TMEM38B: variants seen among roughly 807,000 people sequenced by gnomAD.
TMEM38B encodes the protein trimeric intracellular cation channel type B.
TMEM38B carries 24 observed loss-of-function variants against 28.7 expected under a neutral mutation model. The observed-to-expected ratio is 0.84, with a 90% CI of 0.61 to 1.18. The LOEUF (loss-of-function observed/expected upper bound fraction) is 1.18, where lower values mean the gene tolerates loss of function less well. Among genes scored for constraint, TMEM38B ranks in the 50% most tolerant of loss-of-function variants. TMEM38B has a pLI of 0.00. For synonymous variants in TMEM38B, 131 were observed against 127.7 expected (o/e 1.03, Z -0.17); for missense variants, 380 against 350.9 (o/e 1.08, Z -0.66).
chr9:105,696,654 G>T (rs1297875870), intron 1 of TMEM38B, among the ~76,000 whole-genome samples: 2 of 152,194 alleles, frequency 1.3e-5, no homozygotes, highest in East Asian at 3.8e-4. Flanking sequence ...TTCTTAGAAA[G>T]AAACCTTTAA....
At chr9:105,702,059 T>TA (rs915779779) in intron 1 of TMEM38B, among the ~76,000 whole-genome samples, 19 of 152,186 alleles carry the variant, frequency 1.2e-4, no homozygotes, top group African/African-American at 3.6e-4. Flanking sequence ...TGAAAAAATT[T>TA]AAAAAAATTT....
At chr9:105,709,541 A>G (rs1835818750) in intron 2 of TMEM38B, among the ~76,000 whole-genome samples, 1 of 152,238 alleles carries the variant, frequency 6.6e-6, no homozygotes, top group African/African-American at 2.4e-5. Context: ...CATTTACTGA[A>G]TAAGGGAATT....
rs1170141388 is a variant in TMEM38B, at chr9:105,767,021, C to G, written c.661-6844C>G. On this transcript the variant is annotated intron_variant, in intron 5 of 5. Coordinates refer to ENST00000374692, the MANE Select transcript of TMEM38B (RefSeq NM_018112.3). ...TTTTCTGTCCTTGCGATCGTTTGCT[C>G]AGAATGATGGTTTCCAGCTTCATCT... Among the ~76,000 whole-genome samples, 8 of 151,922 alleles carry G rather than the reference C, an allele frequency of 5.3e-5. No homozygotes were observed. The South Asian group carries it at 1.0e-3, about 20-fold the overall frequency.
intron 2 of TMEM38B, among the ~76,000 whole-genome samples, chr9:105,721,170 GTA>G (rs1167780874): frequency 6.6e-6 from 1 of 152,152 alleles, no homozygotes; most frequent in African/African-American, 2.4e-5. Flanking sequence ...AAGACACTGT[GTA>G]GGAGTTCCTA....
Position 105,722,449 on chromosome 9 carries a change from T to A in TMEM38B, c.455-85T>A, listed in dbSNP as rs186891620. 5.1e-3 allele frequency: 5,380 copies of A among 1,062,280 alleles called. 205 individuals carry two copies. The Admixed American group carries it at 0.071, about 14-fold the overall frequency. The allele number at this position is 1,062,280 out of a possible 1,614,324, so 65.8% of individuals were successfully genotyped here. The stretch of plus-strand genomic sequence containing the variant: ...TTGGGAATCCTCTTGGAATGTATTA[T>A]CAGGTGATAGAATTATGGCTCCCTT... On this transcript the variant is annotated intron_variant, in intron 3 of 5. Transcript: ENST00000374692.
intron 4 of TMEM38B, among the ~76,000 whole-genome samples, chr9:105,740,545 C>T (rs1212776761): frequency 1.3e-5 from 2 of 151,952 alleles, no homozygotes; most frequent in Non-Finnish European, 2.9e-5. Flanking sequence ...GAATTACAAG[C>T]GTGAGCCACC....
At position 105,709,735 on chromosome 9, in the gene TMEM38B, TG is replaced by T. The variant is rs1297892981; in HGVS notation, c.269+3984del. Reference sequence around the variant, plus strand: ...AGTTAAGGAAGATGTAAACTGCATGTGGTGTACAAGTAAATAAACGCAGATG... The same window carrying T: ...AGTTAAGGAAGATGTAAACTGCATGTGTGTACAAGTAAATAAACGCAGATG... On this transcript the variant is annotated intron_variant, in intron 2 of 5. Coordinates refer to ENST00000374692, the MANE Select transcript of TMEM38B (RefSeq NM_018112.3). 2.0e-5 allele frequency among the ~76,000 whole-genome samples: 3 copies of T among 152,316 alleles called. No individual in the cohort carries two copies. The East Asian group carries it at 5.8e-4, about 29-fold the overall frequency.
chr9:105,759,925 A>C, intron 5 of TMEM38B: 1 of 1,593,532 alleles, frequency 6.3e-7, no homozygotes, highest in Non-Finnish European at 8.6e-7. Flanking sequence ...CATGAAACCA[A>C]ATGTTGGACA....
At chr9:105,708,854 A>AT (rs57198402) in intron 2 of TMEM38B, among the ~76,000 whole-genome samples, 59,252 of 148,888 alleles carry the variant, frequency 0.4, 12,700 homozygotes, top group East Asian at 0.59. Context: ...TTATCTGTTG[A>AT]TTTTTTTTTT....
intron 5 of TMEM38B, among the ~76,000 whole-genome samples, chr9:105,770,480 TTGAATATTA>T (rs1157011682): frequency 6.6e-6 from 1 of 152,216 alleles, no homozygotes; most frequent in Non-Finnish European, 1.5e-5. Context: ...CATTGATGCA[TTGAATATTA>T]TTCCACACTT....
chr9:105,722,660 T>C, intron 4 of TMEM38B, 39 bp downstream of exon 4: 1 of 1,518,062 alleles, frequency 6.6e-7, no homozygotes, highest in African/African-American at 1.4e-5. Context: ...TAGATGTTTA[T>C]CCTTAGATCT....
At chr9:105,765,074 A>G (rs1826319969) in intron 5 of TMEM38B, among the ~76,000 whole-genome samples, 1 of 152,224 alleles carries the variant, frequency 6.6e-6, no homozygotes, top group African/African-American at 2.4e-5. Flanking sequence ...CTTATACAAA[A>G]ATCAATTCAA....
chr9:105,743,576 TA>T (rs1451208961), intron 4 of TMEM38B, among the ~76,000 whole-genome samples: 2 of 152,216 alleles, frequency 1.3e-5, no homozygotes, highest in African/African-American at 2.4e-5. Context: ...ATTAGCATCT[TA>T]TTTTAGACTT....
chr9:105,725,383 C>T (rs1489031838), intron 4 of TMEM38B, among the ~76,000 whole-genome samples: 1 of 149,668 alleles, frequency 6.7e-6, no homozygotes, highest in African/African-American at 2.5e-5. Flanking sequence ...GTAGATAATA[C>T]ATACTAGATG....
chr9:105,716,850 C>T (rs1564392379), intron 2 of TMEM38B, among the ~76,000 whole-genome samples: 1 of 152,006 alleles, frequency 6.6e-6, no homozygotes, highest in Non-Finnish European at 1.5e-5. Context: ...ACATCAGGGA[C>T]AGGTAGGTGA....
chr9:105,724,959 G>A (rs2133582012), intron 4 of TMEM38B, among the ~76,000 whole-genome samples: 2 of 152,106 alleles, frequency 1.3e-5, no homozygotes, highest in South Asian at 2.1e-4. Flanking sequence ...CCCTCCAAAT[G>A]TGCCTTTCCT....
chr9:105,731,503 G>T (rs1225863926), intron 4 of TMEM38B, among the ~76,000 whole-genome samples: 2 of 151,998 alleles, frequency 1.3e-5, no homozygotes, highest in African/African-American at 4.8e-5. Flanking sequence ...TCCCCACCCT[G>T]TGTCCAAGTG....
At chr9:105,738,364 A>G (rs1185053182) in intron 4 of TMEM38B, among the ~76,000 whole-genome samples, 3 of 152,144 alleles carry the variant, frequency 2.0e-5, no homozygotes, top group East Asian at 1.9e-4. Flanking sequence ...GGTGGAGACA[A>G]GGTCTTTTCT....
chr9:105,769,796 A>G (rs1466553325), intron 5 of TMEM38B, among the ~76,000 whole-genome samples: 1 of 152,196 alleles, frequency 6.6e-6, no homozygotes, highest in African/African-American at 2.4e-5. Flanking sequence ...ATTGCAATTT[A>G]TAAGCTAATT....
Sources: allele counts gnomAD v4.1 joint callset (sites outside exome capture counted in the v4.1 genomes callset), GRCh38; gene constraint gnomAD v4.1.1; transcripts MANE v1.5; gene names NCBI Gene and HGNC (gene_info 2026-07-23, HGNC 2026-07-21).